The following MDFIC variants were observed in gnomAD, a reference collection of about 807,000 sequenced individuals.
MDFIC encodes the protein myoD family inhibitor domain-containing protein.
Under a neutral mutation model 23.2 loss-of-function variants are expected in MDFIC, and 17 were observed. The observed-to-expected ratio is 0.73, with a 90% CI of 0.50 to 1.10. The LOEUF (loss-of-function observed/expected upper bound fraction) is 1.10. MDFIC is among the 50% of genes least tolerant of loss of function. The pLI, the probability that MDFIC is intolerant of heterozygous loss-of-function variation, is 0.00. For synonymous variants in MDFIC, 120 were observed against 115.2 expected (o/e 1.04, Z -0.27); for missense variants, 356 against 316.6 (o/e 1.12, Z -0.95).
At chr7:114,992,338 T>G (rs1249476161) in intron 4 of MDFIC, among the ~76,000 whole-genome samples, 1 of 151,422 alleles carries the variant, frequency 6.6e-6, no homozygotes, top group Non-Finnish European at 1.5e-5. Flanking sequence ...GAATACCCTT[T>G]ATTTCTTTCT....
chr7:114,953,559 A>T (rs1375095585), intron 3 of MDFIC, among the ~76,000 whole-genome samples: 1 of 152,208 alleles, frequency 6.6e-6, no homozygotes, highest in African/African-American at 2.4e-5. Flanking sequence ...AAATAGCAGT[A>T]CCTGAAATTA....
rs938750207 is a variant in MDFIC at position 114,992,109 on chromosome 7, G to A, written c.493+12328G>A. Among the ~76,000 whole-genome samples, 465 of 152,258 alleles carry A rather than the reference G, an allele frequency of 3.1e-3. 3 individuals are homozygous for A. The highest frequency in any genetic ancestry group is 1.1e-3 in the Non-Finnish European group (72 of 68,014). On this transcript the variant is annotated intron_variant, in intron 4 of 4. Transcript: ENST00000393486. ...TCCTAGGTATTTTCTTCTCTTTGAA[G>A]CAATTGTGAATGGGAGTTCACTCAT... is the stretch of plus-strand genomic sequence containing the variant.
At chr7:114,954,180 T>G (rs946069152) in intron 3 of MDFIC, among the ~76,000 whole-genome samples, 11 of 152,368 alleles carry the variant, frequency 7.2e-5, no homozygotes, top group Middle Eastern at 3.4e-3. Flanking sequence ...ATTATGGAGA[T>G]CTGCTCCATT....
rs1791851305 is a variant in MDFIC, at chr7:115,018,988, C to G, written c.*3053C>G. ...CAAAACACAGTGTTCTTTTAAAAAT[C>G]TATAATATGTCAAAATACAAGTTTT... On this transcript the variant is annotated 3_prime_UTR_variant, in exon 5 of 5. Transcript: ENST00000393486. 3 of 150,822 alleles carry G rather than the reference C, an allele frequency of 2.0e-5. No individual in the cohort carries two copies. The highest frequency in any genetic ancestry group is 4.4e-5 in the Non-Finnish European group (3 of 67,676). 9.3% of individuals were successfully genotyped at this position (150,822 alleles called of 1,614,324 possible).
rs1792560339 is a variant in MDFIC at position 114,942,358 on chromosome 7, T to C, written c.178T>C (p.Ser60Pro). Residue 60 changes from serine to proline, a missense_variant, in exon 3 of 5, where the codon TCC becomes CCC. Transcript: ENST00000393486. ...HFTHGEMQDQ[S>P]IWGNPSDGEL... ...CACACATGGAGAGATGCAAGACCAG[T>C]CCATTTGGGGAAATCCTTCGGATGG... The C allele has an allele frequency of 6.2e-7, 1 of 1,605,418 alleles. No individual in the cohort carries two copies. Among genetic ancestry groups the C allele is most frequent in the Non-Finnish European group, 8.5e-7 (1 of 1,175,540 alleles).
rs1791805977 is a variant in MDFIC, at chr7:115,016,809, T to G, written c.*874T>G. On this transcript the variant is annotated 3_prime_UTR_variant, in exon 5 of 5. Coordinates refer to ENST00000393486, the MANE Select transcript of MDFIC (RefSeq NM_001166345.3). Reference sequence around the variant, plus strand: ...TTCAACAGACTCTGAATGCCGACTGTGTGGACTCTCTTCCTCAGACTGTGG... The same window carrying G: ...TTCAACAGACTCTGAATGCCGACTGGGTGGACTCTCTTCCTCAGACTGTGG... 1 of 152,474 alleles carries G rather than the reference T, an allele frequency of 6.6e-6. No homozygotes were observed. The highest frequency in any genetic ancestry group is 1.5e-5 in the Non-Finnish European group (1 of 68,290). 9.4% of individuals were successfully genotyped at this position (152,474 alleles called of 1,614,324 possible).
chr7:114,932,685 G>A lies in MDFIC; in HGVS notation c.94+9558G>A, dbSNP rs527878421. Among the ~76,000 whole-genome samples, 4 of 152,318 alleles carry A rather than the reference G, an allele frequency of 2.6e-5. No homozygotes were observed. In the East Asian group the frequency reaches 5.8e-4, roughly 22 times the overall value. ...AGATGGTAGAGCCAAAAGAATATAGGTTGTGGTCTTAGAGGAGAATCCGAA... is the reference window on the plus strand; with the variant it reads ...AGATGGTAGAGCCAAAAGAATATAGATTGTGGTCTTAGAGGAGAATCCGAA... On this transcript the variant is annotated intron_variant, in intron 2 of 4. Transcript: ENST00000393486.
chr7:114,947,646 G>A (rs1217536902), intron 3 of MDFIC, among the ~76,000 whole-genome samples: 1 of 152,128 alleles, frequency 6.6e-6, no homozygotes, highest in Non-Finnish European at 1.5e-5. Flanking sequence ...GCCGATTTTT[G>A]TTTGGAGCAT....
At chr7:115,004,429 G>C (rs1414176578) in intron 4 of MDFIC, among the ~76,000 whole-genome samples, 1 of 152,172 alleles carries the variant, frequency 6.6e-6, no homozygotes, top group African/African-American at 2.4e-5. Context: ...GGGCAATATA[G>C]TGAGAAGCTG....
chr7:114,982,551 T>C (rs976980169), intron 4 of MDFIC, among the ~76,000 whole-genome samples: 1 of 151,844 alleles, frequency 6.6e-6, no homozygotes, highest in African/African-American at 2.4e-5. Context: ...AAAATCTACC[T>C]GGGCACAGTG....
Position 114,979,578 on chromosome 7 carries a change from A to C in MDFIC, c.290A>C (p.Lys97Thr), listed in dbSNP as rs1793380546. ...AGTGGTGAGGAAATAGGCAAGATAA[A>C]GAACGGCCACACAGGTCTGAGCAAT... is the stretch of plus-strand genomic sequence containing the variant. ...VPSGEEIGKIKNGHTGLSNGN... is the reference protein window; with the variant it reads ...VPSGEEIGKITNGHTGLSNGN... The change falls in exon 4 of 5, where the codon AAG (lysine) becomes ACG (threonine). Residue 97 changes from lysine to threonine, a missense_variant. Transcript: ENST00000393486. 1.2e-6 allele frequency: 2 copies of C among 1,614,158 alleles called. No individual in the cohort carries two copies. Among genetic ancestry groups the C allele is most frequent in the African/African-American group, 1.3e-5 (1 of 75,058 alleles).
intron 3 of MDFIC, among the ~76,000 whole-genome samples, chr7:114,968,104 A>C (rs191331449): frequency 6.6e-6 from 1 of 152,290 alleles, no homozygotes; most frequent in South Asian, 2.1e-4. Context: ...GGCATGAGCC[A>C]CTGTGCCCAG....
At chr7:114,942,935 A>T (rs946693258) in intron 3 of MDFIC, among the ~76,000 whole-genome samples, 3 of 152,220 alleles carry the variant, frequency 2.0e-5, no homozygotes, top group African/African-American at 7.2e-5. Flanking sequence ...GGTGCTGATC[A>T]GAATGCTGAG....
intron 4 of MDFIC, chr7:115,014,398 T>C (rs1791750447): frequency 3.9e-6 from 5 of 1,289,170 alleles, no homozygotes; most frequent in Non-Finnish European, 5.1e-6. Context: ...AAGCGCATGA[T>C]TTTTTATTAT....
chr7:114,945,146 G>C (rs1792620288), intron 3 of MDFIC, among the ~76,000 whole-genome samples: 1 of 152,196 alleles, frequency 6.6e-6, no homozygotes. Flanking sequence ...GGGCTTGGCA[G>C]CTCGTGTCTC....
chr7:114,983,327 G>A (rs539744314), intron 4 of MDFIC, among the ~76,000 whole-genome samples: 8 of 151,948 alleles, frequency 5.3e-5, no homozygotes, highest in Non-Finnish European at 1.2e-4. Context: ...ATTTTTTTTG[G>A]TTCAGATAAT....
At chr7:114,967,972 G>A (rs973084117) in intron 3 of MDFIC, among the ~76,000 whole-genome samples, 2 of 151,828 alleles carry the variant, frequency 1.3e-5, no homozygotes, top group African/African-American at 4.8e-5. Context: ...GATACCACAG[G>A]CACATGCCAC....
intron 4 of MDFIC, among the ~76,000 whole-genome samples, chr7:114,997,217 A>G (rs1791350874): frequency 6.6e-6 from 1 of 152,214 alleles, no homozygotes; most frequent in Non-Finnish European, 1.5e-5. Context: ...CGAAAGGAGA[A>G]TAAGTAAAAA....
At chr7:114,924,637 T>C (rs1792155768) in intron 2 of MDFIC, among the ~76,000 whole-genome samples, 1 of 152,226 alleles carries the variant, frequency 6.6e-6, no homozygotes, top group African/African-American at 2.4e-5. Context: ...TCTTGGGTTA[T>C]ATTTTACCTG....
Sources: allele counts gnomAD v4.1 joint callset (sites outside exome capture counted in the v4.1 genomes callset), GRCh38; gene constraint gnomAD v4.1.1; transcripts MANE v1.5; gene names NCBI Gene and HGNC (gene_info 2026-07-23, HGNC 2026-07-21).